Variants in NUF2 observed in about 807,000 individuals in gnomAD.
NUF2 encodes the protein kinetochore protein Nuf2.
NUF2 carries 34 observed loss-of-function variants against 61.8 expected under a neutral mutation model. The ratio of observed to expected loss-of-function variants is 0.55; its 90% confidence interval spans 0.42 to 0.73. The LOEUF (loss-of-function observed/expected upper bound fraction) is 0.73. Among genes scored for constraint, NUF2 ranks in the 30% least tolerant of loss-of-function variants. The probability of loss-of-function intolerance (pLI) is 0.00; values close to 1 mark genes in which losing one functional copy is unlikely to be tolerated. For missense variants in NUF2, 445 were observed against 539.1 expected (o/e 0.83, Z 1.73); for synonymous variants, 172 against 181.6 (o/e 0.95, Z 0.42).
At chr1:163,349,198 A>G in intron 13 of NUF2, 118 bp downstream of exon 13, 1 of 765,482 alleles carries the variant, frequency 1.3e-6, no homozygotes. Context: ...GATACCTAAA[A>G]TTATTTACTC....
chr1:163,327,922 A>G (rs376008780), intron 3 of NUF2: 1 of 368,168 alleles, frequency 2.7e-6, no homozygotes. Flanking sequence ...TTAGAGTAGA[A>G]GATATGCAGT....
At chr1:163,337,426 A>G (rs1254574539) in intron 6 of NUF2, among the ~76,000 whole-genome samples, 1 of 152,114 alleles carries the variant, frequency 6.6e-6, no homozygotes, top group Non-Finnish European at 1.5e-5. Context: ...GAAAAACACC[A>G]GAGTAACTCC....
chr1:163,337,579 C>T (rs890690580), intron 6 of NUF2, among the ~76,000 whole-genome samples: 4 of 152,084 alleles, frequency 2.6e-5, no homozygotes, highest in Admixed American at 1.3e-4. Context: ...CACACACTCT[C>T]ATAATTTTGC....
At chr1:163,323,349 G>A (rs1023418155) in intron 1 of NUF2, among the ~76,000 whole-genome samples, 7 of 152,144 alleles carry the variant, frequency 4.6e-5, no homozygotes, top group African/African-American at 1.7e-4. Flanking sequence ...CTGTGACTTA[G>A]ATGAAAATGT....
intron 5 of NUF2, among the ~76,000 whole-genome samples, chr1:163,330,470 C>T (rs1571377914): frequency 1.3e-5 from 2 of 152,112 alleles, no homozygotes; most frequent in East Asian, 3.8e-4. Flanking sequence ...GATTATTTAG[C>T]TTTACAGTAA....
At chr1:163,355,195 A>ACATGC (rs1651448184) in intron 13 of NUF2, 140 bp from the exon 14 acceptor site, 4 of 602,138 alleles carry the variant, frequency 6.6e-6, no homozygotes, top group Non-Finnish European at 1.1e-5. Flanking sequence ...GCAGACATAG[A>ACATGC]CATGCACATT....
chr1:163,353,158 C>T (rs1425101336), intron 13 of NUF2, among the ~76,000 whole-genome samples: 1 of 152,066 alleles, frequency 6.6e-6, no homozygotes, highest in East Asian at 1.9e-4. Flanking sequence ...CCAAACTGGT[C>T]TGGTTATATG....
intron 4 of NUF2, 143 bp from the exon 5 acceptor site, chr1:163,328,703 T>G: frequency 3.3e-6 from 2 of 604,784 alleles, no homozygotes; most frequent in Non-Finnish European, 5.9e-6. Flanking sequence ...GGTTATACAT[T>G]ATAGTAGAAT....
chr1:163,339,803 A>G (rs1397561342), intron 8 of NUF2, among the ~76,000 whole-genome samples: 1 of 152,130 alleles, frequency 6.6e-6, no homozygotes, highest in African/African-American at 2.4e-5. Flanking sequence ...AAAATATCTT[A>G]AATTTTCAAG....
chr1:163,336,967 A>C, intron 6 of NUF2, 119 bp downstream of exon 6: 2 of 627,536 alleles, frequency 3.2e-6, no homozygotes, highest in Non-Finnish European at 5.6e-6. Flanking sequence ...TTTAGAATTG[A>C]ACTCATTTTT....
Position 163,331,110 on chromosome 1 carries a change from C to G in NUF2, c.337+2203C>G, listed in dbSNP as rs191635533. On this transcript the variant is annotated intron_variant, in intron 5 of 13. Coordinates refer to ENST00000271452, the MANE Select transcript of NUF2 (RefSeq NM_145697.3). The stretch of plus-strand genomic sequence containing the variant: ...AAATGATGAGAGCAGTCATCATTAC[C>G]TTGTTTCTGATCTTGGGGGAAACCA... Among the ~76,000 whole-genome samples the G allele has an allele frequency of 1.2e-3, 174 of 149,690 alleles. 1 individual carries two copies. Among genetic ancestry groups the G allele is most frequent in the African/African-American group, 4.2e-3 (170 of 40,736 alleles).
intron 5 of NUF2, among the ~76,000 whole-genome samples, chr1:163,335,107 C>T (rs1276815419): frequency 2.6e-5 from 4 of 152,142 alleles, no homozygotes; most frequent in Non-Finnish European, 5.9e-5. Flanking sequence ...GTGCATGTAA[C>T]CACACCCAGC....
chr1:163,347,257 A>G (rs1358731850), intron 11 of NUF2, among the ~76,000 whole-genome samples: 1 of 152,242 alleles, frequency 6.6e-6, no homozygotes, highest in Non-Finnish European at 1.5e-5. Context: ...ATCTTCATCC[A>G]GGCTGCGCCT....
chr1:163,347,927 C>A lies in NUF2; in HGVS notation c.1113C>A (p.Arg371=). The A allele has an allele frequency of 6.3e-7, 1 of 1,585,086 alleles. No individual in the cohort carries two copies. The change falls in exon 12 of 14, where the codon CGC becomes CGA. Residue 371 remains arginine, a synonymous_variant. Coordinates refer to ENST00000271452, the MANE Select transcript of NUF2 (RefSeq NM_145697.3). ...KKHEDVKQYK[R]TVIEDCNKVQ... is the part of the protein sequence containing the mutation. Reference sequence around the variant, plus strand: ...ATGAAGATGTTAAGCAATACAAACGCACAGTAATTGAGTATGGAGTTGTTT... The same window carrying A: ...ATGAAGATGTTAAGCAATACAAACGAACAGTAATTGAGTATGGAGTTGTTT...
At chr1:163,345,033 T>A (rs1571394545) in intron 10 of NUF2, among the ~76,000 whole-genome samples, 2 of 152,080 alleles carry the variant, frequency 1.3e-5, no homozygotes, top group South Asian at 4.1e-4. Context: ...AAATTAAGAT[T>A]GGAAACAGAA....
In NUF2 at chr1:163,349,020, A is replaced by T; in HGVS notation, c.1200A>T (p.Lys400Asn). Reference protein sequence around the residue: ...RVTTINQEIQKIKLGIQQLKD... With the variant: ...RVTTINQEIQNIKLGIQQLKD... ...CCACAATTAATCAAGAAATCCAAAA[A>T]ATTAAACTTGGAATTCAACAACTAA... Residue 400 changes from lysine to asparagine, a missense_variant, in exon 13 of 14, where the codon AAA (lysine) becomes AAT (asparagine). Coordinates refer to ENST00000271452, the MANE Select transcript of NUF2 (RefSeq NM_145697.3). 6.2e-7 allele frequency: 1 copy of T among 1,612,206 alleles called. No homozygotes were observed. The highest frequency in any genetic ancestry group is 8.5e-7 in the Non-Finnish European group (1 of 1,179,388).
At chr1:163,325,116 T>C (rs1650374715) in intron 1 of NUF2, among the ~76,000 whole-genome samples, 1 of 152,088 alleles carries the variant, frequency 6.6e-6, no homozygotes, top group African/African-American at 2.4e-5. Context: ...AGGCTGGTCT[T>C]AAACTCCTGG....
intron 13 of NUF2, 128 bp from the exon 14 acceptor site, chr1:163,355,207 G>A: frequency 1.5e-6 from 1 of 652,022 alleles, no homozygotes; most frequent in Non-Finnish European, 2.5e-6. Flanking sequence ...ATGCACATTT[G>A]TGTGTGTGCA....
chr1:163,347,942 TG>T lies in NUF2; in HGVS notation c.1124+6del. On this transcript the variant is annotated splice_donor_5th_base_variant and intron_variant, in intron 12 of 13. Transcript: ENST00000271452. ...AATACAAACGCACAGTAATTGAGTA[TG>T]GAGTTGTTTTCAATTTTAGTGTATT... The T allele has an allele frequency of 6.7e-7, 1 of 1,489,828 alleles. No individual in the cohort carries two copies. The highest frequency in any genetic ancestry group is 9.0e-7 in the Non-Finnish European group (1 of 1,116,678). The allele number at this position is 1,489,828 out of a possible 1,614,324, so 92.3% of individuals were successfully genotyped here.
Sources: gnomAD v4.1 joint callset for allele counts (sites outside exome capture counted in the v4.1 genomes callset) on GRCh38, gnomAD v4.1.1 for gene constraint, MANE v1.5 for transcripts, NCBI Gene and HGNC (gene_info 2026-07-23, HGNC 2026-07-21) for gene names.